The following WWP1 variants were observed in gnomAD, a reference collection of about 807,000 sequenced individuals.
WWP1 encodes NEDD4-like E3 ubiquitin-protein ligase WWP1.
WWP1 carries 49 observed loss-of-function variants against 130.6 expected under a neutral mutation model. That is an observed-to-expected ratio of 0.38 (90% CI 0.30 to 0.48). The LOEUF is 0.48. Among genes scored for constraint, WWP1 ranks in the 20% least tolerant of loss-of-function variants. The pLI, the probability that WWP1 is intolerant of heterozygous loss-of-function variation, is 0.99. For synonymous variants in WWP1, 332 were observed against 367.8 expected (o/e 0.90, Z 1.11); for missense variants, 809 against 1,100.6 (o/e 0.74, Z 3.75).
chr8:86,359,362 G>A (rs1823433775), intron 1 of WWP1, among the ~76,000 whole-genome samples: 1 of 152,066 alleles, frequency 6.6e-6, no homozygotes, highest in African/African-American at 2.4e-5. Flanking sequence ...TGAGCTGGAA[G>A]AAAAGTCTTG....
chr8:86,435,054 T>G (rs1310433209), intron 14 of WWP1, among the ~76,000 whole-genome samples: 1 of 152,222 alleles, frequency 6.6e-6, no homozygotes, highest in Non-Finnish European at 1.5e-5. Context: ...GCTTATTATC[T>G]CCAGGAATAT....
chr8:86,346,313 A>G (rs1055271710), intron 1 of WWP1, among the ~76,000 whole-genome samples: 7 of 152,034 alleles, frequency 4.6e-5, no homozygotes, highest in African/African-American at 1.7e-4. Flanking sequence ...TAAGAACTTT[A>G]TTGGGAGGCT....
chr8:86,441,432 T>G (rs953570305), intron 17 of WWP1, among the ~76,000 whole-genome samples: 5 of 152,248 alleles, frequency 3.3e-5, no homozygotes, highest in Admixed American at 3.3e-4. Flanking sequence ...TAGAAAAACG[T>G]TTATTAACAG....
At chr8:86,455,405 T>C (rs1226185014) in intron 21 of WWP1, among the ~76,000 whole-genome samples, 1 of 151,916 alleles carries the variant, frequency 6.6e-6, no homozygotes, top group African/African-American at 2.4e-5. Context: ...AAAACATGAT[T>C]TTCAGCTTAG....
chr8:86,371,465 A>G (rs1045590005), intron 2 of WWP1, among the ~76,000 whole-genome samples: 6 of 152,188 alleles, frequency 3.9e-5, no homozygotes, highest in African/African-American at 1.2e-4. Context: ...AGCGGTGTAT[A>G]AGAGCCACCA....
At chr8:86,429,291 A>G (rs1809805722) in intron 11 of WWP1, among the ~76,000 whole-genome samples, 1 of 152,124 alleles carries the variant, frequency 6.6e-6, no homozygotes, top group Non-Finnish European at 1.5e-5. Flanking sequence ...TGGTCACTCT[A>G]CCAACTCAGC....
intron 18 of WWP1, among the ~76,000 whole-genome samples, chr8:86,447,317 A>C (rs1004904529): frequency 3.4e-4 from 52 of 152,156 alleles, no homozygotes; most frequent in Non-Finnish European, 1.8e-4. Flanking sequence ...CCCAGGCTGG[A>C]GTGCAGTGGC....
chr8:86,402,734 G>A (rs1808062118), intron 8 of WWP1, among the ~76,000 whole-genome samples: 1 of 152,160 alleles, frequency 6.6e-6, no homozygotes. Flanking sequence ...CTTTTACTGA[G>A]CAAGTGCTTA....
At chr8:86,401,017 T>G (rs1339195737) in intron 7 of WWP1, among the ~76,000 whole-genome samples, 2 of 152,180 alleles carry the variant, frequency 1.3e-5, no homozygotes, top group East Asian at 1.9e-4. Flanking sequence ...TTTTGTTTTT[T>G]TTTTTTTTAA....
At chr8:86,380,697 T>A (rs765269062) in intron 3 of WWP1, 29 bp from the exon 4 acceptor site, 2 of 1,591,764 alleles carry the variant, frequency 1.3e-6, no homozygotes, top group Non-Finnish European at 1.7e-6. Flanking sequence ...TGGCAACACA[T>A]ACTCACTAGT....
chr8:86,399,652 A>T (rs1259950622), intron 7 of WWP1, among the ~76,000 whole-genome samples: 1 of 152,214 alleles, frequency 6.6e-6, no homozygotes, highest in East Asian at 1.9e-4. Context: ...TAATGTCCAT[A>T]TAATTTAAAA....
At chr8:86,357,554 T>TA (rs1823332026) in intron 1 of WWP1, among the ~76,000 whole-genome samples, 1 of 152,208 alleles carries the variant, frequency 6.6e-6, no homozygotes, top group Non-Finnish European at 1.5e-5. Context: ...ATTAAACACT[T>TA]CCAGTATGCC....
chr8:86,429,969 C>A (rs1318399439), intron 11 of WWP1, among the ~76,000 whole-genome samples: 1 of 152,158 alleles, frequency 6.6e-6, no homozygotes, highest in Non-Finnish European at 1.5e-5. Flanking sequence ...GAGGCTGAGG[C>A]GGGTGGATCG....
chr8:86,411,861 A>G lies in WWP1; in HGVS notation c.1048A>G (p.Thr350Ala). Reference sequence around the variant, plus strand: ...GCAGTCTGGGAATGCCAACACAGAAACCTTGCCATCAGGGTATGTTAAGCT... The same window carrying G: ...GCAGTCTGGGAATGCCAACACAGAAGCCTTGCCATCAGGGTATGTTAAGCT... ...RQQSGNANTETLPSGWEQRKD... is the reference protein window; with the variant it reads ...RQQSGNANTEALPSGWEQRKD... Residue 350 changes from threonine to alanine, a missense_variant, in exon 9 of 25, where the codon ACC becomes GCC. Around this residue, in one of 3 missense-constraint regions of WWP1, gnomAD observed 97 missense variants for 80.4 expected, o/e 1.21. Transcript: ENST00000517970. 6 of 1,606,788 alleles carry G rather than the reference A, an allele frequency of 3.7e-6. No individual in the cohort carries two copies. Among genetic ancestry groups the G allele is most frequent in the Non-Finnish European group, 5.1e-6 (6 of 1,175,038 alleles).
chr8:86,407,950 G>A (rs1429135173), intron 8 of WWP1, among the ~76,000 whole-genome samples: 2 of 152,026 alleles, frequency 1.3e-5, no homozygotes, highest in Non-Finnish European at 2.9e-5. Context: ...TTCCTTCTTT[G>A]TATTGTACTG....
chr8:86,410,767 C>G (rs1270544447), intron 8 of WWP1, among the ~76,000 whole-genome samples: 6 of 145,936 alleles, frequency 4.1e-5, no homozygotes, highest in Non-Finnish European at 9.0e-5. Context: ...TTCTTTCTTA[C>G]ATCTTTAGGT....
chr8:86,372,026 T>A (rs1467441925), intron 2 of WWP1, among the ~76,000 whole-genome samples: 1 of 137,098 alleles, frequency 7.3e-6, no homozygotes, highest in Admixed American at 7.1e-5. Flanking sequence ...TATTTTTTTT[T>A]TTTTTTTTTT....
intron 7 of WWP1, among the ~76,000 whole-genome samples, chr8:86,400,890 T>A (rs1347692878): frequency 6.6e-6 from 1 of 152,140 alleles, no homozygotes; most frequent in Non-Finnish European, 1.5e-5. Flanking sequence ...ATGACCTGGT[T>A]TATATTTTTA....
intron 24 of WWP1, among the ~76,000 whole-genome samples, chr8:86,463,602 G>A (rs773285554): frequency 2.6e-5 from 4 of 151,314 alleles, no homozygotes; most frequent in East Asian, 2.0e-4. Context: ...CACCATGCCC[G>A]GCCAATTAGT....
Sources: allele counts gnomAD v4.1 joint callset (sites outside exome capture counted in the v4.1 genomes callset), GRCh38; gene constraint gnomAD v4.1.1; regional missense constraint gnomAD v4.1.1; transcripts MANE v1.5; gene names NCBI Gene and HGNC (gene_info 2026-07-23, HGNC 2026-07-21).